Variants in GRM5 observed in about 807,000 individuals in gnomAD.
The protein encoded by GRM5 is glutamate metabotropic receptor 5.
GRM5 carries 19 observed loss-of-function variants against 83.1 expected under a neutral mutation model. That is an observed-to-expected ratio of 0.23 (90% confidence interval 0.16 to 0.34). The LOEUF (loss-of-function observed/expected upper bound fraction) is 0.34. GRM5 is among the 10% of genes least tolerant of loss of function. The probability of loss-of-function intolerance (pLI) is 1.00; values close to 1 mark genes in which losing one functional copy is unlikely to be tolerated. For missense variants in GRM5, 1,160 were observed against 1,588.3 expected, an observed-to-expected ratio of 0.73 and a Z score of 4.58; for synonymous variants, 675 against 633.6, an observed-to-expected ratio of 1.07 and a Z score of -0.98.
At position 88,505,098 on chromosome 11, in the gene GRM5, C is replaced by G. The variant is rs1353182585; in HGVS notation, c.*3494G>C. 1 of 152,164 alleles carries G rather than the reference C, an allele frequency of 6.6e-6. No individual in the cohort carries two copies. The highest frequency in any genetic ancestry group is 6.5e-5 in the Admixed American group (1 of 15,278). The allele number at this position is 152,164 out of a possible 1,614,324, so 9.4% of individuals were successfully genotyped here. On this transcript the variant is annotated 3_prime_UTR_variant, in exon 10 of 10. Transcript: ENST00000305447. Reference sequence around the variant, plus strand: ...TATACATGCCTCATTCTTCAATAGACAGTAGAGACTCTCCCAGGCCTCAGA... The same window carrying G: ...TATACATGCCTCATTCTTCAATAGAGAGTAGAGACTCTCCCAGGCCTCAGA...
chr11:88,684,258 GAT>G (rs1340506124), intron 3 of GRM5, among the ~76,000 whole-genome samples: 1 of 152,174 alleles, frequency 6.6e-6, no homozygotes, highest in Non-Finnish European at 1.5e-5. Flanking sequence ...TTCTAAATAT[GAT>G]ATGAAACCAT....
chr11:88,877,295 A>T (rs902488331), intron 2 of GRM5, among the ~76,000 whole-genome samples: 1 of 152,148 alleles, frequency 6.6e-6, no homozygotes, highest in Non-Finnish European at 1.5e-5. Flanking sequence ...ATCATTAGAC[A>T]TTAGAAGAAT....
chr11:88,842,534 G>A (rs1311695431), intron 3 of GRM5, among the ~76,000 whole-genome samples: 2 of 152,026 alleles, frequency 1.3e-5, no homozygotes, highest in African/African-American at 4.8e-5. Flanking sequence ...AAATCCAAAT[G>A]GCCATTTCAG....
chr11:88,515,789 C>A (rs1218132772), intron 9 of GRM5, among the ~76,000 whole-genome samples: 1 of 152,150 alleles, frequency 6.6e-6, no homozygotes, highest in Admixed American at 6.6e-5. Context: ...AAATAGAGAA[C>A]AAAGCCAGAC....
At chr11:88,992,963 T>C (rs2135051727) in intron 2 of GRM5, among the ~76,000 whole-genome samples, 1 of 151,916 alleles carries the variant, frequency 6.6e-6, no homozygotes, top group East Asian at 1.9e-4. Context: ...CATGTATACA[T>C]ATGTAACAAA....
intron 8 of GRM5, among the ~76,000 whole-genome samples, chr11:88,537,341 A>G (rs1314185652): frequency 6.6e-6 from 1 of 152,198 alleles, no homozygotes; most frequent in Admixed American, 6.5e-5. Context: ...CTAGACAGAA[A>G]TACACCAAAA....
chr11:88,995,122 C>T (rs1056630764), intron 2 of GRM5, among the ~76,000 whole-genome samples: 1 of 152,018 alleles, frequency 6.6e-6, no homozygotes, highest in Non-Finnish European at 1.5e-5. Flanking sequence ...TGAAACTAAG[C>T]TTTAAAAATC....
chr11:88,684,627 T>C (rs1940574751), intron 3 of GRM5, among the ~76,000 whole-genome samples: 1 of 152,138 alleles, frequency 6.6e-6, no homozygotes, highest in African/African-American at 2.4e-5. Flanking sequence ...TAGACTCCAA[T>C]ATAGTTTGGC....
At chr11:88,984,195 G>A (rs1394925326) in intron 2 of GRM5, among the ~76,000 whole-genome samples, 1 of 152,060 alleles carries the variant, frequency 6.6e-6, no homozygotes, top group African/African-American at 2.4e-5. Context: ...ACATTCACTT[G>A]CCACTCACCA....
At chr11:88,963,757 T>C (rs950207045) in intron 2 of GRM5, among the ~76,000 whole-genome samples, 59 of 152,294 alleles carry the variant, frequency 3.9e-4, no homozygotes, top group African/African-American at 1.3e-3. Flanking sequence ...GAAACGAATA[T>C]AAAATACGTG....
chr11:88,617,112 T>C (rs1452251444), intron 4 of GRM5, among the ~76,000 whole-genome samples: 1 of 152,238 alleles, frequency 6.6e-6, no homozygotes, highest in Non-Finnish European at 1.5e-5. Context: ...AGAACAGCAC[T>C]TGTTTAAACA....
At chr11:89,013,172 C>T (rs1439482104) in intron 2 of GRM5, among the ~76,000 whole-genome samples, 2 of 152,092 alleles carry the variant, frequency 1.3e-5, no homozygotes, top group African/African-American at 2.4e-5. Context: ...TGTAAGAGTT[C>T]TGTAAGTCTA....
chr11:88,887,102 C>A (rs1945057527), intron 2 of GRM5, among the ~76,000 whole-genome samples: 1 of 152,160 alleles, frequency 6.6e-6, no homozygotes, highest in Admixed American at 6.5e-5. Flanking sequence ...AGACACCATG[C>A]TTTATGCTGC....
At chr11:88,570,579 T>A (rs1386716666) in intron 7 of GRM5, among the ~76,000 whole-genome samples, 120 of 96,366 alleles carry the variant, frequency 1.2e-3, no homozygotes, top group Middle Eastern at 5.0e-3. Flanking sequence ...ATATTTTTTT[T>A]TTTTTTTTTT....
chr11:88,750,578 A>C, intron 3 of GRM5, among the ~76,000 whole-genome samples: 1 of 152,160 alleles, frequency 6.6e-6, no homozygotes, highest in East Asian at 1.9e-4. Context: ...CTCTGGATCA[A>C]GTGGCCCTGA....
At chr11:88,600,697 T>G (rs905810584) in intron 5 of GRM5, among the ~76,000 whole-genome samples, 1 of 152,168 alleles carries the variant, frequency 6.6e-6, no homozygotes, top group Admixed American at 6.6e-5. Context: ...TTAGAGAAGA[T>G]TGTCTTCAGA....
At chr11:88,660,432 A>C (rs1452823724) in intron 3 of GRM5, among the ~76,000 whole-genome samples, 1 of 152,216 alleles carries the variant, frequency 6.6e-6, no homozygotes, top group African/African-American at 2.4e-5. Context: ...CTCAAATGGC[A>C]ACATGGTTAT....
chr11:88,883,894 T>C (rs749028286), intron 2 of GRM5, among the ~76,000 whole-genome samples: 31 of 152,138 alleles, frequency 2.0e-4, no homozygotes, highest in Admixed American at 4.6e-4. Context: ...GAAACTTCCA[T>C]ATACATTTTA....
rs1939343486 is a variant in GRM5 at position 88,643,216 on chromosome 11, A to G, written c.1147+9952T>C. On this transcript the variant is annotated intron_variant, in intron 4 of 9. Coordinates refer to ENST00000305447, the MANE Select transcript of GRM5 (RefSeq NM_001143831.3). Reference sequence around the variant, plus strand: ...CAGAAGGCAGAGCGAGAGCAGGCACATCATATGGCCAGAGCAGGAGCAAAA... The same window carrying G: ...CAGAAGGCAGAGCGAGAGCAGGCACGTCATATGGCCAGAGCAGGAGCAAAA... 2.0e-5 allele frequency among the ~76,000 whole-genome samples: 3 copies of G among 152,118 alleles called. 1 individual carries two copies. Among genetic ancestry groups the G allele is most frequent in the South Asian group, 4.1e-4 (2 of 4,824 alleles).
Sources: allele counts gnomAD v4.1 joint callset (sites outside exome capture counted in the v4.1 genomes callset), GRCh38; gene constraint gnomAD v4.1.1; transcripts MANE v1.5; gene names NCBI Gene and HGNC (gene_info 2026-07-23, HGNC 2026-07-21).